The following ENOPH1 variants were observed in gnomAD, a reference collection of about 807,000 sequenced individuals.
ENOPH1 encodes enolase-phosphatase 1.
In ENOPH1, 14 loss-of-function variants were observed where a neutral mutation model predicts 31.1. That is an observed-to-expected ratio of 0.45 (90% CI 0.30 to 0.70). The LOEUF (loss-of-function observed/expected upper bound fraction) is 0.70. Ranked by LOEUF, ENOPH1 falls within the 30% of genes least tolerant of loss-of-function variation. The probability of loss-of-function intolerance (pLI) is 0.09; values close to 1 mark genes in which losing one functional copy is unlikely to be tolerated. For synonymous variants in ENOPH1, 127 were observed against 123.2 expected (o/e 1.03, Z -0.21); for missense variants, 243 against 321.5 (o/e 0.76, Z 1.87).
chr4:82,460,102 C>T lies in ENOPH1; in HGVS notation c.768C>T (p.Tyr256=), dbSNP rs144779888. Residue 256 remains tyrosine, a synonymous_variant, in exon 6 of 6, where the codon TAC becomes TAT. Transcript: ENST00000273920. ...YSLITSFSEL[Y]LPSST Reference sequence around the variant, plus strand: ...TCATCACATCCTTCAGTGAACTATACCTGCCTTCCTCAACCTAGAGAAGGG... The same window carrying T: ...TCATCACATCCTTCAGTGAACTATATCTGCCTTCCTCAACCTAGAGAAGGG... The T allele has an allele frequency of 9.3e-6, 15 of 1,614,110 alleles. No individual in the cohort carries two copies. Among genetic ancestry groups the T allele is most frequent in the Non-Finnish European group, 1.3e-5 (15 of 1,180,052 alleles).
chr4:82,444,383 C>G (rs563145448), intron 1 of ENOPH1, among the ~76,000 whole-genome samples: 1 of 152,064 alleles, frequency 6.6e-6, no homozygotes, highest in African/African-American at 2.4e-5. Flanking sequence ...CACCACGCCC[C>G]GACTAATTTT....
chr4:82,459,573 A>G (rs1055441010), intron 5 of ENOPH1, among the ~76,000 whole-genome samples: 9 of 151,988 alleles, frequency 5.9e-5, no homozygotes, highest in African/African-American at 2.2e-4. Flanking sequence ...GCCCAGCCCC[A>G]TATCATTTTA....
chr4:82,457,669 A>G (rs1722526342), intron 5 of ENOPH1, among the ~76,000 whole-genome samples: 1 of 152,212 alleles, frequency 6.6e-6, no homozygotes, highest in Non-Finnish European at 1.5e-5. Flanking sequence ...GACTTAGAGG[A>G]GTTGTCATGG....
At chr4:82,432,124 C>T (rs980665454) in intron 1 of ENOPH1, among the ~76,000 whole-genome samples, 12 of 152,092 alleles carry the variant, frequency 7.9e-5, no homozygotes, top group African/African-American at 2.9e-4. Context: ...CCATATTGCC[C>T]AGGCTAGTCT....
rs768531052 is a variant in ENOPH1, at chr4:82,430,855, A to T, written c.26A>T (p.Glu9Val). The T allele has an allele frequency of 6.2e-7, 1 of 1,614,118 alleles. No individual in the cohort carries two copies. Among genetic ancestry groups the T allele is most frequent in the South Asian group, 1.1e-5 (1 of 91,090 alleles). MVVLSVPA[E>V]VTVILLDIEG... ...ATGGTCGTGCTTTCGGTCCCCGCCGAAGTCACCGTGATCCTGTTAGATATC... is the reference window on the plus strand; with the variant it reads ...ATGGTCGTGCTTTCGGTCCCCGCCGTAGTCACCGTGATCCTGTTAGATATC... Residue 9 changes from glutamate to valine, a missense_variant, in exon 1 of 6, where the codon GAA (glutamate) becomes GTA (valine). Physicochemically the swap from Glu to Val is moderately radical, Grantham distance 121. Coordinates refer to ENST00000273920, the MANE Select transcript of ENOPH1 (RefSeq NM_021204.5).
chr4:82,440,399 G>C (rs533002426), intron 1 of ENOPH1, among the ~76,000 whole-genome samples: 1 of 152,312 alleles, frequency 6.6e-6, no homozygotes, highest in Admixed American at 6.5e-5. Context: ...ACCCGTGAGA[G>C]CTGGATGGCT....
At chr4:82,451,900 A>G (rs1487901825) in intron 3 of ENOPH1, among the ~76,000 whole-genome samples, 2 of 151,876 alleles carry the variant, frequency 1.3e-5, no homozygotes, top group Admixed American at 1.3e-4. Flanking sequence ...CTCCCACCTC[A>G]GCCTACCGAG....
chr4:82,458,176 C>T (rs1172966429), intron 5 of ENOPH1, among the ~76,000 whole-genome samples: 2 of 152,156 alleles, frequency 1.3e-5, no homozygotes, highest in Non-Finnish European at 2.9e-5. Flanking sequence ...CATGCCCAGA[C>T]TTCCACTGCT....
chr4:82,460,100 T>C lies in ENOPH1; in HGVS notation c.766T>C (p.Tyr256His), dbSNP rs763003203. ...YSLITSFSEL[Y>H]LPSST ...CCTCATCACATCCTTCAGTGAACTA[T>C]ACCTGCCTTCCTCAACCTAGAGAAG... is the stretch of plus-strand genomic sequence containing the variant. The change falls in exon 6 of 6, where the codon TAC becomes CAC. Residue 256 changes from tyrosine (Y) to histidine (H), a missense_variant. Physicochemically the swap from Tyr to His is moderately conservative, Grantham distance 83. Coordinates refer to ENST00000273920, the MANE Select transcript of ENOPH1 (RefSeq NM_021204.5). The C allele has an allele frequency of 2.5e-6, 4 of 1,614,232 alleles. No homozygotes were observed. Among genetic ancestry groups the C allele is most frequent in the Non-Finnish European group, 3.4e-6 (4 of 1,180,036 alleles).
chr4:82,440,511 G>T (rs1213179715), intron 1 of ENOPH1, among the ~76,000 whole-genome samples: 1 of 152,160 alleles, frequency 6.6e-6, no homozygotes, highest in African/African-American at 2.4e-5. Flanking sequence ...ATGAAAGAAG[G>T]CTTACTTTGC....
At chr4:82,437,238 C>T (rs1721930760) in intron 1 of ENOPH1, among the ~76,000 whole-genome samples, 1 of 152,018 alleles carries the variant, frequency 6.6e-6, no homozygotes, top group Non-Finnish European at 1.5e-5. Context: ...TGTCATGTTC[C>T]AGGATATGGT....
chr4:82,448,637 C>T (rs944249660), intron 2 of ENOPH1, among the ~76,000 whole-genome samples: 3 of 151,514 alleles, frequency 2.0e-5, no homozygotes, highest in South Asian at 2.1e-4. Context: ...AAAGGCAACT[C>T]TAGGCTGGGC....
At chr4:82,447,130 C>T (rs927303883) in intron 1 of ENOPH1, among the ~76,000 whole-genome samples, 2 of 152,068 alleles carry the variant, frequency 1.3e-5, no homozygotes, top group Non-Finnish European at 2.9e-5. Context: ...AGATTACAGG[C>T]ACCCGCCACC....
chr4:82,434,325 T>C (rs908106814), intron 1 of ENOPH1, among the ~76,000 whole-genome samples: 1 of 152,172 alleles, frequency 6.6e-6, no homozygotes, highest in South Asian at 2.1e-4. Context: ...GGCTCAGGCA[T>C]GTAATCCCAG....
intron 1 of ENOPH1, among the ~76,000 whole-genome samples, chr4:82,445,956 A>G (rs1046327545): frequency 5.9e-5 from 9 of 152,190 alleles, no homozygotes; most frequent in African/African-American, 2.2e-4. Flanking sequence ...GTTCTCTGAG[A>G]AGAGTGGCTT....
chr4:82,432,916 C>G (rs921085538), intron 1 of ENOPH1, among the ~76,000 whole-genome samples: 1 of 152,224 alleles, frequency 6.6e-6, no homozygotes, highest in Non-Finnish European at 1.5e-5. Context: ...GACCTTCCCC[C>G]ACGTTTTTAA....
intron 1 of ENOPH1, among the ~76,000 whole-genome samples, chr4:82,437,421 T>C (rs1721935611): frequency 6.6e-6 from 1 of 152,240 alleles, no homozygotes; most frequent in Admixed American, 6.5e-5. Flanking sequence ...TCTATCCCTC[T>C]CTTTACACTT....
At chr4:82,447,782 C>T in intron 1 of ENOPH1, 138 bp from the exon 2 acceptor site, 1 of 501,058 alleles carries the variant, frequency 2.0e-6, no homozygotes, top group Non-Finnish European at 3.5e-6. Flanking sequence ...CTCTTTCTTG[C>T]TCATATTCAC....
chr4:82,442,523 A>G (rs1410157854), intron 1 of ENOPH1, among the ~76,000 whole-genome samples: 2 of 151,356 alleles, frequency 1.3e-5, no homozygotes, highest in East Asian at 3.9e-4. Context: ...CTGTCTCAAA[A>G]AAACAAACAA....
Sources: allele counts gnomAD v4.1 joint callset (sites outside exome capture counted in the v4.1 genomes callset), GRCh38; gene constraint gnomAD v4.1.1; transcripts MANE v1.5; gene names NCBI Gene and HGNC (gene_info 2026-07-23, HGNC 2026-07-21).